Variants in CDH13 observed in about 807,000 individuals in gnomAD.
CDH13 encodes the protein cadherin 13.
CDH13 carries 24 observed loss-of-function variants against 63.8 expected under a neutral mutation model. The ratio of observed to expected loss-of-function variants is 0.38; its 90% CI spans 0.27 to 0.53. The LOEUF (loss-of-function observed/expected upper bound fraction) is 0.53. Ranked by LOEUF, CDH13 falls within the 20% of genes least tolerant of loss-of-function variation. The pLI, the probability that CDH13 is intolerant of heterozygous loss-of-function variation, is 0.85. For missense variants in CDH13, 1,049 were observed against 903.1 expected (o/e 1.16, Z -2.07); for synonymous variants, 503 against 355.3 (o/e 1.42, Z -4.67).
Position 83,390,570 on chromosome 16 carries a change from A to G in CDH13, c.781+45564A>G, listed in dbSNP as rs138917816. ...TTCCCACAGTGATCCTACTATCAAC[A>G]GGAACTGCTGTTTCTATTATCAACA... On this transcript the variant is annotated intron_variant, in intron 6 of 13. Transcript: ENST00000567109. Among the ~76,000 whole-genome samples, 124 of 152,202 alleles carry G rather than the reference A, an allele frequency of 8.1e-4. 1 individual carries two copies. The highest frequency in any genetic ancestry group is 3.0e-3 in the African/African-American group (124 of 41,522).
chr16:83,494,634 A>G (rs968951800), intron 7 of CDH13, among the ~76,000 whole-genome samples: 1 of 152,218 alleles, frequency 6.6e-6, no homozygotes, highest in African/African-American at 2.4e-5. Context: ...CAGAGCAGGA[A>G]CTGGGTGGTT....
In CDH13 at chr16:83,185,639, C is replaced by T. The variant is rs148882741; in HGVS notation, c.484-31706C>T. 2.6e-4 allele frequency among the ~76,000 whole-genome samples: 39 copies of T among 152,292 alleles called. No individual in the cohort carries two copies. The East Asian group carries it at 5.0e-3, about 20-fold the overall frequency. On this transcript the variant is annotated intron_variant, in intron 4 of 13. Coordinates refer to ENST00000567109, the MANE Select transcript of CDH13 (RefSeq NM_001257.5). ...ACACTCCCACCCATGCCTCTGAAAA[C>T]GTCTAATCTGTTTCTCCTACTTACC...
intron 3 of CDH13, among the ~76,000 whole-genome samples, chr16:83,042,958 C>T (rs1487564651): frequency 6.6e-6 from 1 of 152,192 alleles, no homozygotes; most frequent in African/African-American, 2.4e-5. Context: ...CTGTGAAGTA[C>T]CATGCTCCAT....
intron 3 of CDH13, among the ~76,000 whole-genome samples, chr16:83,065,019 C>A (rs572215755): frequency 4.6e-5 from 7 of 152,184 alleles, no homozygotes; most frequent in Non-Finnish European, 1.0e-4. Flanking sequence ...CTCCCCTGCA[C>A]CCCCAGCCCC....
intron 7 of CDH13, among the ~76,000 whole-genome samples, chr16:83,501,078 C>G (rs2074273723): frequency 6.6e-6 from 1 of 152,220 alleles, no homozygotes; most frequent in African/African-American, 2.4e-5. Context: ...GTAACAGAGA[C>G]ATAGCAATGG....
At chr16:82,703,605 A>G (rs942176721) in intron 1 of CDH13, among the ~76,000 whole-genome samples, 2 of 152,012 alleles carry the variant, frequency 1.3e-5, no homozygotes, top group African/African-American at 4.8e-5. Flanking sequence ...TCCTGGAACC[A>G]CCTCCTAAAT....
At chr16:82,843,357 C>T (rs1016885049) in intron 1 of CDH13, among the ~76,000 whole-genome samples, 1 of 152,158 alleles carries the variant, frequency 6.6e-6, no homozygotes, top group Non-Finnish European at 1.5e-5. Context: ...CCTTTTAATT[C>T]AGGATGGTCA....
intron 1 of CDH13, among the ~76,000 whole-genome samples, chr16:82,816,735 A>C (rs1205739911): frequency 1.4e-5 from 2 of 143,458 alleles, no homozygotes. Context: ...CTTGTAGTCC[A>C]TTTGGAAGGG....
At chr16:83,334,479 C>G (rs1039722814) in intron 5 of CDH13, among the ~76,000 whole-genome samples, 2 of 151,790 alleles carry the variant, frequency 1.3e-5, no homozygotes, top group Non-Finnish European at 2.9e-5. Context: ...TCAAGTGATC[C>G]TCCTACCTCA....
intron 2 of CDH13, among the ~76,000 whole-genome samples, chr16:82,896,481 A>T (rs575369439): frequency 1.9e-4 from 28 of 150,026 alleles, no homozygotes; most frequent in African/African-American, 6.6e-4. Flanking sequence ...TTTTTTTTAG[A>T]GATTGGGTTT....
chr16:82,892,301 T>C (rs1416573023), intron 2 of CDH13, among the ~76,000 whole-genome samples: 1 of 152,218 alleles, frequency 6.6e-6, no homozygotes, highest in Non-Finnish European at 1.5e-5. Context: ...CTTGTTCACA[T>C]CTATGCAGCA....
intron 2 of CDH13, among the ~76,000 whole-genome samples, chr16:82,979,471 TG>T (rs34104238): frequency 4.6e-5 from 7 of 152,142 alleles, no homozygotes; most frequent in Non-Finnish European, 1.0e-4. Flanking sequence ...GACTGGATCA[TG>T]GGGGTGGTTA....
chr16:83,027,628 AC>A (rs1392446263), intron 2 of CDH13, among the ~76,000 whole-genome samples: 1 of 152,044 alleles, frequency 6.6e-6, no homozygotes, highest in Non-Finnish European at 1.5e-5. Flanking sequence ...ATTATATGAG[AC>A]TCAGGTGGAG....
chr16:83,446,831 T>G (rs940918401), intron 6 of CDH13, among the ~76,000 whole-genome samples: 3 of 152,038 alleles, frequency 2.0e-5, no homozygotes, highest in Non-Finnish European at 2.9e-5. Context: ...TCCAAAGTCT[T>G]TAAGCTTATC....
At chr16:83,666,019 A>G (rs927406600) in intron 8 of CDH13, among the ~76,000 whole-genome samples, 6 of 152,226 alleles carry the variant, frequency 3.9e-5, no homozygotes, top group African/African-American at 1.2e-4. Flanking sequence ...CATAGTCCCA[A>G]CAGGCCACAG....
intron 7 of CDH13, among the ~76,000 whole-genome samples, chr16:83,497,789 A>C (rs1249449600): frequency 6.6e-6 from 1 of 152,218 alleles, no homozygotes; most frequent in Non-Finnish European, 1.5e-5. Context: ...ATTGGCCACA[A>C]TGCTCAGATA....
At chr16:83,371,078 C>T (rs762367944) in intron 6 of CDH13, among the ~76,000 whole-genome samples, 9 of 152,238 alleles carry the variant, frequency 5.9e-5, no homozygotes, top group Non-Finnish European at 1.5e-5. Context: ...CATTTTTACA[C>T]TGCTAGTGGG....
chr16:83,502,322 C>G (rs2074301353), intron 7 of CDH13, among the ~76,000 whole-genome samples: 1 of 152,050 alleles, frequency 6.6e-6, no homozygotes, highest in African/African-American at 2.4e-5. Context: ...CTAGTGCTGG[C>G]TTTGAAGATG....
At chr16:83,794,924 G>A in intron 13 of CDH13, 99 bp from the exon 14 acceptor site, 1 of 1,114,150 alleles carries the variant, frequency 9.0e-7, no homozygotes, top group Non-Finnish European at 1.3e-6. Flanking sequence ...TTTAAAATGT[G>A]TTTATTATAC....
Sources: allele counts gnomAD v4.1 joint callset (sites outside exome capture counted in the v4.1 genomes callset), GRCh38; gene constraint gnomAD v4.1.1; transcripts MANE v1.5; gene names NCBI Gene and HGNC (gene_info 2026-07-23, HGNC 2026-07-21).